Variants in FRAS1 observed in about 807,000 individuals in gnomAD.
The protein encoded by FRAS1 is extracellular matrix organizing protein FRAS1.
In FRAS1, 290 loss-of-function variants were observed where a neutral mutation model predicts 435.2. That is an observed-to-expected ratio of 0.67 (90% CI 0.61 to 0.73). The LOEUF is 0.73. Ranked by LOEUF, FRAS1 falls within the 30% of genes least tolerant of loss-of-function variation. The pLI, the probability that FRAS1 is intolerant of heterozygous loss-of-function variation, is 0.00. For synonymous variants in FRAS1, 1,800 were observed against 1,851.0 expected, an observed-to-expected ratio of 0.97 and a Z score of 0.71; for missense variants, 4,860 against 5,001.5, an observed-to-expected ratio of 0.97 and a Z score of 0.85.
chr4:78,118,398 T>G (rs1718789227), intron 2 of FRAS1, among the ~76,000 whole-genome samples: 1 of 152,154 alleles, frequency 6.6e-6, no homozygotes, highest in Non-Finnish European at 1.5e-5. Context: ...TGCTGCCTTT[T>G]GTTTGGCTTT....
At chr4:78,234,364 T>C (rs1473017476) in intron 2 of FRAS1, among the ~76,000 whole-genome samples, 4 of 151,914 alleles carry the variant, frequency 2.6e-5, no homozygotes, top group Non-Finnish European at 4.4e-5. Flanking sequence ...TAGCTGGGAC[T>C]ACAGGCACCC....
chr4:78,091,647 A>G, intron 2 of FRAS1, among the ~76,000 whole-genome samples: 1 of 96,254 alleles, frequency 1.0e-5, no homozygotes, highest in African/African-American at 3.9e-5. Flanking sequence ...GTGTGTGTGA[A>G]TCTATATATA....
chr4:78,519,297 A>T, intron 66 of FRAS1, 34 bp from the exon 67 acceptor site: 1 of 1,466,836 alleles, frequency 6.8e-7, no homozygotes, highest in Non-Finnish European at 9.0e-7. Flanking sequence ...CCCAGGGGAG[A>T]AATAACTCTG....
chr4:78,480,768 G>A (rs1046227851), intron 56 of FRAS1, among the ~76,000 whole-genome samples: 9 of 152,240 alleles, frequency 5.9e-5, no homozygotes, highest in Non-Finnish European at 1.2e-4. Context: ...ACTGCTGGCA[G>A]AGGGGCAACA....
intron 2 of FRAS1, among the ~76,000 whole-genome samples, chr4:78,121,612 G>A (rs1719028908): frequency 1.3e-5 from 2 of 152,204 alleles, no homozygotes; most frequent in Non-Finnish European, 2.9e-5. Context: ...TGCCTACTAT[G>A]TAGGCAAGGG....
chr4:78,323,262 T>A lies in FRAS1; in HGVS notation c.2137+4276T>A, dbSNP rs537179754. ...TGTAAAAGATTGGAGACATTTTCAATAATCAGTCCGAATTGTGCACATTTA... is the reference window on the plus strand; with the variant it reads ...TGTAAAAGATTGGAGACATTTTCAAAAATCAGTCCGAATTGTGCACATTTA... On this transcript the variant is annotated intron_variant, in intron 18 of 73. Coordinates refer to ENST00000512123, the MANE Select transcript of FRAS1 (RefSeq NM_025074.7). Among the ~76,000 whole-genome samples, 3 of 152,342 alleles carry A rather than the reference T, an allele frequency of 2.0e-5. No individual in the cohort carries two copies. The South Asian group carries it at 6.2e-4, about 32-fold the overall frequency.
intron 47 of FRAS1, among the ~76,000 whole-genome samples, chr4:78,453,237 A>T (rs1211463969): frequency 2.6e-5 from 4 of 152,194 alleles, no homozygotes; most frequent in African/African-American, 9.7e-5. Flanking sequence ...GTCTAACAGG[A>T]TGAACTGAAG....
chr4:78,533,885 G>A (rs996658662), intron 70 of FRAS1, among the ~76,000 whole-genome samples: 2 of 152,140 alleles, frequency 1.3e-5, no homozygotes, highest in African/African-American at 4.8e-5. Context: ...AGATCATCTT[G>A]GGTGAAGTTA....
chr4:78,319,683 TATA>T (rs1729422503), intron 18 of FRAS1: 1 of 244,162 alleles, frequency 4.1e-6, no homozygotes, highest in Non-Finnish European at 8.3e-6. Context: ...TCCATTTTGT[TATA>T]ATATCTGAGT....
intron 2 of FRAS1, among the ~76,000 whole-genome samples, chr4:78,225,108 A>G (rs1427853833): frequency 6.6e-6 from 1 of 152,140 alleles, no homozygotes; most frequent in Non-Finnish European, 1.5e-5. Flanking sequence ...AGGTCTGAGG[A>G]TGGATGTCTG....
At chr4:78,489,655 T>C (rs1208116710) in intron 59 of FRAS1, among the ~76,000 whole-genome samples, 1 of 152,204 alleles carries the variant, frequency 6.6e-6, no homozygotes, top group East Asian at 1.9e-4. Context: ...CAAATACACA[T>C]ATCATTGGTT....
Position 78,522,691 on chromosome 4 carries a change from C to A in FRAS1, c.10691C>A (p.Ser3564Tyr). The A allele has an allele frequency of 1.2e-6, 2 of 1,609,788 alleles. No individual in the cohort carries two copies. The change falls in exon 69 of 74, where the codon TCT becomes TAT. Residue 3564 changes from serine to tyrosine, a missense_variant. Ser to Tyr is a moderately radical substitution (Grantham distance 144). Transcript: ENST00000512123. ...MEHHTLPEVKSFVLTPDHLGG... is the reference protein window; with the variant it reads ...MEHHTLPEVKYFVLTPDHLGG... Reference sequence around the variant, plus strand: ...CATCACACTCTCCCAGAAGTGAAATCTTTCGTATTGACTCCAGACCACCTA... The same window carrying A: ...CATCACACTCTCCCAGAAGTGAAATATTTCGTATTGACTCCAGACCACCTA...
chr4:78,375,090 A>C (rs1731703142), intron 25 of FRAS1, among the ~76,000 whole-genome samples: 1 of 152,198 alleles, frequency 6.6e-6, no homozygotes, highest in Admixed American at 6.5e-5. Flanking sequence ...AAGCAGGAAA[A>C]TTAGGCAGTA....
intron 24 of FRAS1, among the ~76,000 whole-genome samples, chr4:78,373,797 G>A (rs1041166444): frequency 3.3e-5 from 5 of 151,182 alleles, no homozygotes; most frequent in Admixed American, 1.3e-4. Context: ...AATAATAATA[G>A]TAATAGCTGC....
chr4:78,094,912 G>A (rs1266046060), intron 2 of FRAS1, among the ~76,000 whole-genome samples: 1 of 152,068 alleles, frequency 6.6e-6, no homozygotes, highest in Non-Finnish European at 1.5e-5. Flanking sequence ...ACTCATGGGG[G>A]CACTGTGGGG....
intron 58 of FRAS1, among the ~76,000 whole-genome samples, chr4:78,483,489 C>T (rs754313633): frequency 1.2e-4 from 18 of 151,902 alleles, no homozygotes; most frequent in Admixed American, 7.9e-4. Flanking sequence ...ATTAGCATTC[C>T]CAGAGATTGG....
chr4:78,082,910 A>C lies in FRAS1; in HGVS notation c.108+16894A>C, dbSNP rs535658840. Among the ~76,000 whole-genome samples, 10 of 152,256 alleles carry C rather than the reference A, an allele frequency of 6.6e-5. No individual in the cohort carries two copies. The East Asian group carries it at 1.9e-3, about 29-fold the overall frequency. On this transcript the variant is annotated intron_variant, in intron 2 of 73. Transcript: ENST00000512123. ...ATTTAGTTTCTCAACACCTATACTG[A>C]TATTTCACAATGCTCTTGTGTTTGG...
At chr4:78,480,141 T>C (rs1719968309) in intron 56 of FRAS1, among the ~76,000 whole-genome samples, 2 of 152,202 alleles carry the variant, frequency 1.3e-5, no homozygotes, top group Admixed American at 6.5e-5. Flanking sequence ...TTGACTATAG[T>C]CACCCTGTTG....
intron 2 of FRAS1, among the ~76,000 whole-genome samples, chr4:78,108,661 T>C (rs1742522021): frequency 1.4e-5 from 1 of 72,650 alleles, no homozygotes; most frequent in South Asian, 5.1e-4. Context: ...AGATCCAAAA[T>C]TGACACCCTA....
Sources: gnomAD v4.1 joint callset for allele counts (sites outside exome capture counted in the v4.1 genomes callset) on GRCh38, gnomAD v4.1.1 for gene constraint, MANE v1.5 for transcripts, NCBI Gene and HGNC (gene_info 2026-07-23, HGNC 2026-07-21) for gene names.